Variants in PRSS37 observed in about 807,000 individuals in gnomAD.
PRSS37 encodes probable inactive serine protease 37.
A neutral mutation model predicts 28.0 loss-of-function variants in PRSS37; 25 were observed. The ratio of observed to expected loss-of-function variants is 0.89; its 90% CI spans 0.65 to 1.25. The LOEUF (loss-of-function observed/expected upper bound fraction) is 1.25. Ranked by LOEUF, PRSS37 falls within the 50% of genes most tolerant of loss-of-function variation. The probability of loss-of-function intolerance (pLI) is 0.00; values close to 1 mark genes in which losing one functional copy is unlikely to be tolerated. For synonymous variants in PRSS37, 109 were observed against 107.8 expected (o/e 1.01, Z -0.07); for missense variants, 282 against 292.2 (o/e 0.97, Z 0.25).
At position 141,836,518 on chromosome 7, in the gene PRSS37, A is replaced by G. The variant is rs764022053; in HGVS notation, c.585T>C (p.Thr195=). 2 of 1,614,138 alleles carry G rather than the reference A, an allele frequency of 1.2e-6. No homozygotes were observed. Among genetic ancestry groups the G allele is most frequent in the Non-Finnish European group, 8.5e-7 (1 of 1,180,016 alleles). The part of the protein sequence containing the change: ...SRIFGEVAVA[T]VICKDKLQGI... ...CCTGGAGCTTGTCTTTGCAGATGAC[A>G]GTAGCAACGGCCACCTCCTACCGGA... Residue 195 remains threonine, a synonymous_variant, in exon 5 of 5, where the codon ACT becomes ACC. Coordinates refer to ENST00000350549, the MANE Select transcript of PRSS37 (RefSeq NM_001008270.3).
At chr7:141,838,970 C>T in intron 2 of PRSS37, 1 of 465,450 alleles carries the variant, frequency 2.1e-6, no homozygotes, top group Non-Finnish European at 4.3e-6. Context: ...TCATCAGTTA[C>T]CTGCTAGATC....
At chr7:141,836,566 AG>A in intron 4 of PRSS37, 31 bp from the exon 5 acceptor site, 1 of 1,612,180 alleles carries the variant, frequency 6.2e-7, no homozygotes, top group Non-Finnish European at 8.5e-7. Flanking sequence ...AGAGAGAGAG[AG>A]AGAGAGTAAG....
chr7:141,839,537 T>C, intron 1 of PRSS37, 58 bp from the exon 2 acceptor site: 1 of 1,371,420 alleles, frequency 7.3e-7, no homozygotes, highest in Non-Finnish European at 1.0e-6. Context: ...GGTAACAGTC[T>C]CTTACTTGAA....
chr7:141,838,905 C>G (rs1801061986), intron 2 of PRSS37: 1 of 445,022 alleles, frequency 2.2e-6, no homozygotes, highest in African/African-American at 2.0e-5. Flanking sequence ...TGTCTCCATA[C>G]CTTTGCAATT....
chr7:141,836,792 T>C (rs1161693486), intron 4 of PRSS37, among the ~76,000 whole-genome samples: 1 of 152,244 alleles, frequency 6.6e-6, no homozygotes, highest in Non-Finnish European at 1.5e-5. Context: ...TCCATTTTTT[T>C]GAACTGGTGA....
rs1300541245 is a variant in PRSS37, at chr7:141,838,019, A to G, written c.271T>C (p.Tyr91His). 13 of 1,614,172 alleles carry G rather than the reference A, an allele frequency of 8.1e-6. No homozygotes were observed. Among genetic ancestry groups the G allele is most frequent in the Non-Finnish European group, 1.1e-5 (13 of 1,180,026 alleles). ...NPIQIVRYWN[Y>H]SHSAPQDDLM... Reference sequence around the variant, plus strand: ...TCATCCTGTGGGGCGCTATGACTGTAGTTCCAGTAGCGGACGATCTGAATG... The same window carrying G: ...TCATCCTGTGGGGCGCTATGACTGTGGTTCCAGTAGCGGACGATCTGAATG... The change falls in exon 3 of 5, where the codon TAC becomes CAC. Residue 91 changes from tyrosine (Y) to histidine (H), a missense_variant. Transcript: ENST00000350549.
chr7:141,836,522 G>A lies in PRSS37; in HGVS notation c.581C>T (p.Ala194Val). The change falls in exon 5 of 5, where the codon GCT becomes GTT. Residue 194 changes from alanine to valine, a missense_variant. By Grantham distance (64) the Ala-to-Val change is moderately conservative (BLOSUM62 0). Transcript: ENST00000350549. ...GAGCTTGTCTTTGCAGATGACAGTAGCAACGGCCACCTCCTACCGGAGATC... is the reference window on the plus strand; with the variant it reads ...GAGCTTGTCTTTGCAGATGACAGTAACAACGGCCACCTCCTACCGGAGATC... The part of the protein sequence containing the change: ...FSRIFGEVAV[A>V]TVICKDKLQG... 2 of 1,613,992 alleles carry A rather than the reference G, an allele frequency of 1.2e-6. No homozygotes were observed. The highest frequency in any genetic ancestry group is 1.7e-6 in the Non-Finnish European group (2 of 1,179,996).
intron 3 of PRSS37, chr7:141,837,627 C>T (rs1268018712): frequency 2.0e-6 from 3 of 1,517,364 alleles, no homozygotes; most frequent in Non-Finnish European, 8.8e-7. Flanking sequence ...GTCAGATGGC[C>T]TGGTGGCTCC....
chr7:141,838,671 A>G (rs755614469), intron 2 of PRSS37: 8 of 254,136 alleles, frequency 3.1e-5, no homozygotes, highest in Non-Finnish European at 6.1e-5. Context: ...TTATCCTCCC[A>G]GGTCCCTCCC....
chr7:141,840,037 G>A (rs1801104511), intron 1 of PRSS37, among the ~76,000 whole-genome samples: 1 of 152,016 alleles, frequency 6.6e-6, no homozygotes, highest in South Asian at 2.1e-4. Context: ...GCTTATTTAA[G>A]TTAAAAAGAA....
rs145877797 is a variant in PRSS37 at position 141,837,729 on chromosome 7, C to T, written c.430+131G>A. ...CTGGGCAGGTCTCTGTTTGCCAGAC[C>T]ACTCAGGTAGCATCTCTATTGGGTC... On this transcript the variant is annotated intron_variant, in intron 3 of 4. Transcript: ENST00000350549. 502 of 1,547,392 alleles carry T rather than the reference C, an allele frequency of 3.2e-4. 8 individuals are homozygous for T. The East Asian group carries it at 8.6e-3, about 27-fold the overall frequency.
rs1489056990 is a variant in PRSS37, at chr7:141,839,341, A to G, written c.173T>C (p.Leu58Ser). ...SWVLAPAHCY[L>S]PNLKVMLGNF... is the part of the protein sequence containing the mutation. ...TGGGGATGCCCAAATACTCAACGGTAAATAGCAGTGAGCTGGGGCCAGCAC... is the reference window on the plus strand; with the variant it reads ...TGGGGATGCCCAAATACTCAACGGTGAATAGCAGTGAGCTGGGGCCAGCAC... Residue 58 changes from leucine to serine, a missense_variant, in exon 2 of 5, where the codon TTA (leucine) becomes TCA (serine). Transcript: ENST00000350549. 2 of 1,613,586 alleles carry G rather than the reference A, an allele frequency of 1.2e-6. No homozygotes were observed. Among genetic ancestry groups the G allele is most frequent in the African/African-American group, 1.3e-5 (1 of 74,908 alleles).
intron 1 of PRSS37, 106 bp from the exon 2 acceptor site, chr7:141,839,585 C>A: frequency 1.4e-5 from 12 of 846,476 alleles, no homozygotes; most frequent in Admixed American, 6.2e-5. Context: ...TATCAGTTGG[C>A]CAAGAAGTGT....
At chr7:141,838,609 C>A in intron 2 of PRSS37, 1 of 287,176 alleles carries the variant, frequency 3.5e-6, no homozygotes. Context: ...TTCTATTGGC[C>A]AATAGGAAGC....
chr7:141,840,626 A>C (rs1410042471), intron 1 of PRSS37, among the ~76,000 whole-genome samples: 1 of 152,260 alleles, frequency 6.6e-6, no homozygotes, highest in Non-Finnish European at 1.5e-5. Context: ...CAACCTAGGC[A>C]GTCAGAGAAT....
chr7:141,838,930 A>T (rs866249761), intron 2 of PRSS37: 3 of 455,168 alleles, frequency 6.6e-6, no homozygotes, highest in Middle Eastern at 6.5e-4. Flanking sequence ...CCTTCTTAAA[A>T]CTCACCTCAA....
At position 141,837,265 on chromosome 7, in the gene PRSS37, T is replaced by TA; in HGVS notation, c.431-18dup. 6.3e-7 allele frequency: 1 copy of TA among 1,581,332 alleles called. No homozygotes were observed. The stretch of plus-strand genomic sequence containing the variant: ...GGTGTCGGCCTGAGGGAGACGGGGA[T>TA]AAAATAAAACATCCTGTTGACAGTG... On this transcript the variant is annotated splice_polypyrimidine_tract_variant and intron_variant, in intron 3 of 4. Coordinates refer to ENST00000350549, the MANE Select transcript of PRSS37 (RefSeq NM_001008270.3).
At chr7:141,837,710 A>T in intron 3 of PRSS37, 150 bp downstream of exon 3, 1 of 1,541,552 alleles carries the variant, frequency 6.5e-7, no homozygotes, top group Admixed American at 1.8e-5. Flanking sequence ...TCCTCTGGGC[A>T]GGTCTCTGTT....
chr7:141,839,532 C>G lies in PRSS37; in HGVS notation c.35-53G>C, dbSNP rs150554323. On this transcript the variant is annotated intron_variant, in intron 1 of 4. Transcript: ENST00000350549. Reference sequence around the variant, plus strand: ...CATAAATATTATAAAAATAAGGTAACAGTCTCTTACTTGAAAAGGAATCTG... The same window carrying G: ...CATAAATATTATAAAAATAAGGTAAGAGTCTCTTACTTGAAAAGGAATCTG... 9.2e-4 allele frequency: 1,291 copies of G among 1,396,154 alleles called. 10 individuals are homozygous for G. In the African/African-American group the frequency reaches 0.017, roughly 18 times the overall value. The allele number at this position is 1,396,154 out of a possible 1,614,324, so 86.5% of individuals were successfully genotyped here.
Sources: allele counts gnomAD v4.1 joint callset (sites outside exome capture counted in the v4.1 genomes callset), GRCh38; gene constraint gnomAD v4.1.1; transcripts MANE v1.5; gene names NCBI Gene and HGNC (gene_info 2026-07-23, HGNC 2026-07-21).